FHIT: variants seen among roughly 807,000 people sequenced by gnomAD.
FHIT encodes the protein fragile histidine triad diadenosine triphosphatase.
A neutral mutation model predicts 17.9 loss-of-function variants in FHIT; 19 were observed. That is an observed-to-expected ratio of 1.06 (90% CI 0.74 to 1.56). The LOEUF (loss-of-function observed/expected upper bound fraction) is 1.56. Among genes scored for constraint, FHIT ranks in the 40% most tolerant of loss-of-function variants. The pLI is 0.00. For synonymous variants in FHIT, 81 were observed against 69.7 expected, an observed-to-expected ratio of 1.16 and a Z score of -0.81; for missense variants, 248 against 189.2, an observed-to-expected ratio of 1.31 and a Z score of -1.82.
intron 5 of FHIT, among the ~76,000 whole-genome samples, chr3:60,240,063 C>T (rs1156392784): frequency 6.6e-6 from 1 of 152,098 alleles, no homozygotes; most frequent in African/African-American, 2.4e-5. Context: ...TTATATAATA[C>T]AATGTAAACA....
chr3:60,335,256 C>T (rs1343000309), intron 5 of FHIT, among the ~76,000 whole-genome samples: 6 of 152,078 alleles, frequency 3.9e-5, no homozygotes, highest in Admixed American at 3.9e-4. Flanking sequence ...TTTAAAATAT[C>T]TTCAGAAGTT....
intron 3 of FHIT, among the ~76,000 whole-genome samples, chr3:60,923,869 G>A (rs1707425001): frequency 6.6e-6 from 1 of 152,234 alleles, no homozygotes; most frequent in Admixed American, 6.5e-5. Context: ...CTAATACTGT[G>A]CTTTTCCAAT....
At chr3:60,291,186 C>G (rs930256414) in intron 5 of FHIT, among the ~76,000 whole-genome samples, 1 of 151,928 alleles carries the variant, frequency 6.6e-6, no homozygotes, top group Non-Finnish European at 1.5e-5. Context: ...GAGAGGGGTT[C>G]TGGAAAAATG....
intron 5 of FHIT, among the ~76,000 whole-genome samples, chr3:60,507,491 G>GT (rs1559500321): frequency 1.3e-5 from 2 of 152,052 alleles, no homozygotes; most frequent in Admixed American, 6.5e-5. Context: ...GTTTCATTTT[G>GT]TTTTTTTACA....
chr3:60,567,832 T>C (rs2037196433), intron 4 of FHIT, among the ~76,000 whole-genome samples: 1 of 152,164 alleles, frequency 6.6e-6, no homozygotes, highest in Non-Finnish European at 1.5e-5. Context: ...AAGACATTTA[T>C]GCAGCCAAAA....
intron 8 of FHIT, among the ~76,000 whole-genome samples, chr3:59,753,349 CTCAGATTACAGGCATAT>C (rs1701023302): frequency 1.3e-5 from 2 of 152,124 alleles, no homozygotes; most frequent in Admixed American, 1.3e-4. Context: ...TAAATTCCTC[CTCAGATTACAGGCATAT>C]TTAAAAAATT....
chr3:60,131,617 C>A (rs1364684860), intron 5 of FHIT, among the ~76,000 whole-genome samples: 1 of 152,094 alleles, frequency 6.6e-6, no homozygotes, highest in African/African-American at 2.4e-5. Context: ...TAAGGTGGCA[C>A]CCACAGATAT....
intron 2 of FHIT, among the ~76,000 whole-genome samples, chr3:61,117,447 G>A (rs958538127): frequency 3.9e-5 from 6 of 152,182 alleles, no homozygotes; most frequent in African/African-American, 1.4e-4. Context: ...ATTTGGAAGA[G>A]TAAGTACACA....
At chr3:60,711,712 G>A (rs2041537975) in intron 4 of FHIT, among the ~76,000 whole-genome samples, 1 of 152,092 alleles carries the variant, frequency 6.6e-6, no homozygotes, top group South Asian at 2.1e-4. Flanking sequence ...AAGTGAGAAG[G>A]GAAGTTTAGA....
At chr3:60,929,402 G>C (rs1707829415) in intron 3 of FHIT, among the ~76,000 whole-genome samples, 1 of 152,162 alleles carries the variant, frequency 6.6e-6, no homozygotes, top group South Asian at 2.1e-4. Flanking sequence ...CATTCAATTA[G>C]GAAAAGAGGA....
At chr3:60,165,946 A>AT (rs1038194889) in intron 5 of FHIT, among the ~76,000 whole-genome samples, 13 of 152,086 alleles carry the variant, frequency 8.5e-5, no homozygotes, top group Non-Finnish European at 1.6e-4. Flanking sequence ...CATCTATGGC[A>AT]TTTTTTTATA....
At chr3:60,529,456 T>A (rs2035691256) in intron 5 of FHIT, among the ~76,000 whole-genome samples, 1 of 152,248 alleles carries the variant, frequency 6.6e-6, no homozygotes, top group African/African-American at 2.4e-5. Context: ...CAAACAAACC[T>A]ATTTTCATTC....
At chr3:60,177,841 A>G (rs1421049333) in intron 5 of FHIT, among the ~76,000 whole-genome samples, 1 of 152,232 alleles carries the variant, frequency 6.6e-6, no homozygotes. Flanking sequence ...GCTTTGTCAC[A>G]ATCACATTTT....
At chr3:60,645,096 C>G (rs2039822655) in intron 4 of FHIT, among the ~76,000 whole-genome samples, 1 of 152,112 alleles carries the variant, frequency 6.6e-6, no homozygotes, top group African/African-American at 2.4e-5. Flanking sequence ...CCCAGGTCAT[C>G]TAGGCATCTG....
rs564629143 is a variant in FHIT, at chr3:59,828,670, C to T, written c.349-76349G>A. Among the ~76,000 whole-genome samples, 11 of 152,326 alleles carry T rather than the reference C, an allele frequency of 7.2e-5. No homozygotes were observed. In the South Asian group the frequency reaches 2.1e-3, roughly 29 times the overall value. ...TTGAGCCAAGAAAATTAACTCACCA[C>T]TCATTGAAAAACAGTATTTCAGCCA... On this transcript the variant is annotated intron_variant, in intron 8 of 9. Transcript: ENST00000492590.
chr3:60,931,067 A>T (rs1575710495), intron 3 of FHIT, among the ~76,000 whole-genome samples: 1 of 152,198 alleles, frequency 6.6e-6, no homozygotes, highest in Non-Finnish European at 1.5e-5. Context: ...CTTTGTAGGG[A>T]CATGGATGAA....
chr3:59,990,467 T>G (rs1017849010), intron 7 of FHIT, among the ~76,000 whole-genome samples: 4 of 152,070 alleles, frequency 2.6e-5, no homozygotes, highest in Admixed American at 2.0e-4. Flanking sequence ...AGCAAGCAGT[T>G]GGCATTTCAA....
chr3:60,605,151 A>G (rs1553670617), intron 4 of FHIT, among the ~76,000 whole-genome samples: 2 of 152,108 alleles, frequency 1.3e-5, no homozygotes, highest in South Asian at 4.1e-4. Flanking sequence ...TTTCCCCAAT[A>G]CTAATGTCCA....
chr3:60,892,231 A>C (rs1575652386), intron 3 of FHIT, among the ~76,000 whole-genome samples: 1 of 152,230 alleles, frequency 6.6e-6, no homozygotes, highest in Admixed American at 6.5e-5. Flanking sequence ...TTTTGAAATA[A>C]TAGCAATAGT....
Sources: allele counts gnomAD v4.1 joint callset (sites outside exome capture counted in the v4.1 genomes callset), GRCh38; gene constraint gnomAD v4.1.1; transcripts MANE v1.5; gene names NCBI Gene and HGNC (gene_info 2026-07-23, HGNC 2026-07-21).